The following DMD variants were observed in gnomAD, a reference collection of about 807,000 sequenced individuals.
DMD encodes dystrophin.
Under a neutral mutation model 330.1 loss-of-function variants are expected in DMD, and 63 were observed. The ratio of observed to expected loss-of-function variants is 0.19; its 90% CI spans 0.16 to 0.24. The LOEUF (loss-of-function observed/expected upper bound fraction) is 0.24. Ranked by LOEUF, DMD falls within the 10% of genes least tolerant of loss-of-function variation. The pLI is 1.00. For missense variants in DMD, 3,344 were observed against 2,684.1 expected (o/e 1.25, Z -5.43); for synonymous variants, 1,223 against 959.8 (o/e 1.27, Z -5.07).
At chrX:32,663,089 C>A (rs2061054998) in intron 9 of DMD, among the ~76,000 whole-genome samples, 1 of 111,553 alleles carries the variant, frequency 9.0e-6, no homozygotes. Flanking sequence ...AAACTGAAAA[C>A]CAAATTTGCA....
At chrX:32,757,809 C>A (rs2071696917) in intron 7 of DMD, among the ~76,000 whole-genome samples, 1 of 111,420 alleles carries the variant, frequency 9.0e-6, no homozygotes, top group African/African-American at 3.3e-5. Context: ...AATACAGATT[C>A]CTTTATAGGT....
At chrX:33,170,856 G>A (rs73190236) in intron 1 of DMD, among the ~76,000 whole-genome samples, 184 of 111,830 alleles carry the variant, frequency 1.6e-3, no homozygotes, top group Middle Eastern at 4.6e-3. Flanking sequence ...TAGTAGGTAT[G>A]AGGTCTAGGT....
At chrX:33,128,038 G>T (rs749638278) in intron 1 of DMD, 5 of 1,162,444 alleles carry the variant, frequency 4.3e-6, no homozygotes, top group South Asian at 1.9e-5. Context: ...TATCCCAGGG[G>T]TTGCAAATTG....
chrX:33,010,641 G>A (rs2093685027), intron 2 of DMD, among the ~76,000 whole-genome samples: 1 of 111,160 alleles, frequency 9.0e-6, no homozygotes, highest in Non-Finnish European at 1.9e-5. Flanking sequence ...GTATCAGATT[G>A]ATTGATTTTG....
intron 47 of DMD, among the ~76,000 whole-genome samples, chrX:31,881,920 T>A (rs1244233153): frequency 8.9e-6 from 1 of 112,353 alleles, no homozygotes; most frequent in East Asian, 2.8e-4. Context: ...GTTAAGCTTC[T>A]ACCCTGGAAA....
chrX:32,294,963 A>T (rs1324575306), intron 42 of DMD, among the ~76,000 whole-genome samples: 2 of 111,568 alleles, frequency 1.8e-5, no homozygotes, highest in Non-Finnish European at 3.8e-5. Context: ...CGATATAAAC[A>T]TCCCTAGAAT....
chrX:33,026,326 A>G (rs2094001353), intron 1 of DMD, among the ~76,000 whole-genome samples: 1 of 85,269 alleles, frequency 1.2e-5, no homozygotes, highest in Admixed American at 1.4e-4. Flanking sequence ...AAAAAAAAAA[A>G]AAAAAAAAAA....
At chrX:32,735,790 T>A (rs971315451) in intron 7 of DMD, among the ~76,000 whole-genome samples, 2 of 111,751 alleles carry the variant, frequency 1.8e-5, no homozygotes, top group Non-Finnish European at 3.8e-5. Flanking sequence ...AACTTAAACG[T>A]TAGACCTAAA....
chrX:31,642,044 C>T (rs1049466275), intron 54 of DMD, among the ~76,000 whole-genome samples: 1 of 111,782 alleles, frequency 8.9e-6, no homozygotes, highest in African/African-American at 3.2e-5. Context: ...ACAAAATTCA[C>T]GTCTTCTGTT....
At chrX:32,049,345 G>A (rs769068629) in intron 44 of DMD, among the ~76,000 whole-genome samples, 1 of 111,421 alleles carries the variant, frequency 9.0e-6, no homozygotes, top group East Asian at 2.8e-4. Flanking sequence ...GTTGGTAAGG[G>A]GTGCAATAAA....
At chrX:32,908,025 T>A (rs2086873979) in intron 2 of DMD, among the ~76,000 whole-genome samples, 1 of 111,422 alleles carries the variant, frequency 9.0e-6, no homozygotes, top group Admixed American at 9.6e-5. Flanking sequence ...CTCTACCTCA[T>A]AGAATTTGAT....
chrX:32,645,979 T>A (rs2059757622), intron 9 of DMD, among the ~76,000 whole-genome samples: 1 of 111,510 alleles, frequency 9.0e-6, no homozygotes, highest in Admixed American at 9.6e-5. Context: ...CAACCCTTAA[T>A]CCAATATCTA....
intron 1 of DMD, among the ~76,000 whole-genome samples, chrX:33,077,611 C>T (rs1223065068): frequency 9.0e-6 from 1 of 111,497 alleles, no homozygotes; most frequent in Non-Finnish European, 1.9e-5. Context: ...AATTGGGCTT[C>T]CAAGGCTTGC....
At chrX:32,511,670 C>A (rs2045353354) in intron 18 of DMD, among the ~76,000 whole-genome samples, 1 of 110,111 alleles carries the variant, frequency 9.1e-6, no homozygotes, top group African/African-American at 3.3e-5. Context: ...CTGCCCTTGA[C>A]AATATTATCT....
chrX:32,704,525 A>G (rs1361487583), intron 7 of DMD, among the ~76,000 whole-genome samples: 1 of 112,068 alleles, frequency 8.9e-6, no homozygotes, highest in Non-Finnish European at 1.9e-5. Flanking sequence ...GGAAATACAG[A>G]ATTATAATGC....
chrX:33,184,973 C>T (rs1377816698), intron 1 of DMD, among the ~76,000 whole-genome samples: 2 of 109,908 alleles, frequency 1.8e-5, no homozygotes, highest in African/African-American at 6.6e-5. Context: ...GCTCCCACCT[C>T]GGCCTCCCAA....
intron 1 of DMD, among the ~76,000 whole-genome samples, chrX:33,130,609 C>T (rs2095493414): frequency 9.2e-6 from 1 of 108,769 alleles, no homozygotes; most frequent in African/African-American, 3.4e-5. Context: ...GGTTGGAGTG[C>T]AATGGCGTGA....
chrX:33,249,815 AT>A (rs2052739312), intron 1 of DMD, among the ~76,000 whole-genome samples: 1 of 110,279 alleles, frequency 9.1e-6, no homozygotes, highest in Non-Finnish European at 1.9e-5. Flanking sequence ...AAAGACTAAA[AT>A]TTTATTTTCA....
At chrX:33,046,024 T>C (rs1284219334) in intron 1 of DMD, among the ~76,000 whole-genome samples, 1 of 111,535 alleles carries the variant, frequency 9.0e-6, no homozygotes, top group Non-Finnish European at 1.9e-5. Flanking sequence ...AATGCCTGCA[T>C]GCAAAGATCT....
Sources: gnomAD v4.1 joint callset for allele counts (sites outside exome capture counted in the v4.1 genomes callset) on GRCh38, gnomAD v4.1.1 for gene constraint, MANE v1.5 for transcripts, NCBI Gene and HGNC (gene_info 2026-07-23, HGNC 2026-07-21) for gene names.